The following PUF60 variants were observed in gnomAD, a reference collection of about 807,000 sequenced individuals.
PUF60 encodes poly(U)-binding-splicing factor PUF60.
Under a neutral mutation model 61.8 loss-of-function variants are expected in PUF60, and 10 were observed. That is an observed-to-expected ratio of 0.16 (90% CI 0.10 to 0.27). PUF60 has a LOEUF of 0.27. Ranked by LOEUF, PUF60 falls within the 10% of genes least tolerant of loss-of-function variation. PUF60 has a pLI of 1.00. For synonymous variants in PUF60, 353 were observed against 300.9 expected (o/e 1.17, Z -1.79); for missense variants, 371 against 754.0 (o/e 0.49, Z 5.95).
intron 3 of PUF60, 63 bp from the exon 4 acceptor site, chr8:143,821,749 A>ACCCCGC (rs1396743407): frequency 1.3e-6 from 2 of 1,542,518 alleles, no homozygotes; most frequent in Non-Finnish European, 1.7e-6. Context: ...CCTGCCCCGC[A>ACCCCGC]CCCCGCCCCT....
At chr8:143,827,875 G>C (rs1817809419) in intron 1 of PUF60, among the ~76,000 whole-genome samples, 1 of 152,134 alleles carries the variant, frequency 6.6e-6, no homozygotes, top group East Asian at 1.9e-4. Flanking sequence ...ATGAGCACAG[G>C]GCGCTGTTCT....
At chr8:143,820,956 G>A (rs1816943346) in intron 4 of PUF60, among the ~76,000 whole-genome samples, 1 of 152,182 alleles carries the variant, frequency 6.6e-6, no homozygotes, top group Non-Finnish European at 1.5e-5. Context: ...GAGGAAGGGA[G>A]GGAGGGAGGA....
At position 143,817,072 on chromosome 8, in the gene PUF60, G is replaced by A. The variant is rs746575300; in HGVS notation, c.1218C>T (p.Ser406=). The change falls in exon 11 of 12, where the codon AGC becomes AGT. Residue 406 remains serine (S), a synonymous_variant. Transcript: ENST00000526683. This position sits in a 1 kb window ranked among gnomAD's most constrained non-coding sequence, Gnocchi z 7.4. The part of the protein sequence containing the change: ...SVGVVNPILA[S]PPTLGLLEPK... ...GCTCCAGGAGACCCAGCGTTGGAGG[G>A]CTGGCCAGGATGGGGTTCACCACTC... is the stretch of plus-strand genomic sequence containing the variant. The A allele has an allele frequency of 1.2e-6, 2 of 1,611,616 alleles. No homozygotes were observed. Among genetic ancestry groups the A allele is most frequent in the Middle Eastern group, 1.7e-4 (1 of 6,058 alleles).
chr8:143,824,280 G>A (rs368921838), intron 2 of PUF60, 33 bp downstream of exon 2: 31 of 1,550,080 alleles, frequency 2.0e-5, no homozygotes, highest in African/African-American at 1.6e-4. Context: ...GCAGGCGGGC[G>A]GGCCTGAGGG....
chr8:143,828,061 C>G (rs1047578045), intron 1 of PUF60, among the ~76,000 whole-genome samples: 32 of 152,252 alleles, frequency 2.1e-4, no homozygotes, highest in Non-Finnish European at 2.9e-5. Flanking sequence ...AGGTCACTTA[C>G]TCCTGTGGCT....
At chr8:143,822,134 C>T (rs1817091525) in intron 2 of PUF60, among the ~76,000 whole-genome samples, 1 of 152,120 alleles carries the variant, frequency 6.6e-6, no homozygotes, top group African/African-American at 2.4e-5. Flanking sequence ...TGGGCCAACC[C>T]GAGCAGTTGT....
In PUF60 at chr8:143,817,977, G is replaced by A; in HGVS notation, c.702C>T (p.His234=). The A allele has an allele frequency of 6.2e-7, 1 of 1,612,940 alleles. No individual in the cohort carries two copies. The highest frequency in any genetic ancestry group is 8.5e-7 in the Non-Finnish European group (1 of 1,179,862). The change falls in exon 8 of 12, where the codon CAC becomes CAT. Residue 234 remains histidine (H), a synonymous_variant. Coordinates refer to ENST00000526683, the MANE Select transcript of PUF60 (RefSeq NM_078480.3). The surrounding 1 kb of genome is among the most constrained non-coding windows in gnomAD (Gnocchi z 7.4). ...TGATGTCATCGTCTGAGAGGTCCTG[G>A]TGCACAGAGGCCACGTAGATGCGGT... The part of the protein sequence containing the change: ...AFNRIYVASV[H]QDLSDDDIKS...
chr8:143,822,609 G>A (rs1369393961), intron 2 of PUF60: 3 of 456,252 alleles, frequency 6.6e-6, no homozygotes, highest in East Asian at 6.9e-5. Flanking sequence ...AGACCCCACT[G>A]GCACCCTAGC....
At chr8:143,827,375 G>A (rs543079439) in intron 1 of PUF60, 9 of 456,260 alleles carry the variant, frequency 2.0e-5, no homozygotes, top group African/African-American at 1.8e-4. Flanking sequence ...GATGCATCCA[G>A]AAGACCTACC....
At position 143,818,585 on chromosome 8, in the gene PUF60, A is replaced by C; in HGVS notation, c.349-51T>G. 1 of 1,511,078 alleles carries C rather than the reference A, an allele frequency of 6.6e-7. No homozygotes were observed. Among genetic ancestry groups the C allele is most frequent in the Non-Finnish European group, 8.9e-7 (1 of 1,126,538 alleles). The allele number at this position is 1,511,078 out of a possible 1,614,324, so 93.6% of individuals were successfully genotyped here. On this transcript the variant is annotated intron_variant, in intron 5 of 11. Coordinates refer to ENST00000526683, the MANE Select transcript of PUF60 (RefSeq NM_078480.3). This position sits in a 1 kb window ranked among gnomAD's most constrained non-coding sequence, Gnocchi z 7.9. ...CCGCTGGCTCGTCAGGGGCGGCAGGAAGCTGGGCAGCCCACTCCCCTCCTG... is the reference window on the plus strand; with the variant it reads ...CCGCTGGCTCGTCAGGGGCGGCAGGCAGCTGGGCAGCCCACTCCCCTCCTG...
intron 5 of PUF60, 70 bp downstream of exon 5, chr8:143,820,596 G>T: frequency 1.3e-6 from 2 of 1,501,796 alleles, no homozygotes; most frequent in Non-Finnish European, 9.3e-7. Flanking sequence ...CCCAGCACGT[G>T]GGCTGCACTG....
intron 1 of PUF60, among the ~76,000 whole-genome samples, chr8:143,825,469 G>A (rs368040618): frequency 6.6e-6 from 1 of 152,202 alleles, no homozygotes; most frequent in Non-Finnish European, 1.5e-5. Flanking sequence ...ACCCCGGAGA[G>A]AGTGAAAGGA....
At chr8:143,816,873 AC>A in intron 11 of PUF60, 36 bp downstream of exon 11, 2 of 1,475,812 alleles carry the variant, frequency 1.4e-6, no homozygotes, top group Non-Finnish European at 1.8e-6. Context: ...CCGCCCCCCT[AC>A]CCTCTCCCCC....
intron 2 of PUF60, among the ~76,000 whole-genome samples, 164 bp downstream of exon 2, chr8:143,824,149 G>A (rs915231912): frequency 5.3e-5 from 8 of 152,344 alleles, no homozygotes; most frequent in African/African-American, 1.4e-4. Context: ...GGAGAGGGCC[G>A]TGGTCCTGCG....
rs1167581033 is a variant in PUF60, at chr8:143,816,690, C to T, written c.1510G>A (p.Gly504Ser). The change falls in exon 12 of 12, where the codon GGC becomes AGC. Residue 504 changes from glycine (G) to serine (S), a missense_variant. Physicochemically the swap from Gly to Ser is moderately conservative, Grantham distance 56. This residue lies in a region of PUF60 where 38 missense variants were observed against 112.9 expected (regional missense o/e 0.34). Transcript: ENST00000526683. ...NRVIIYQEKQ[G>S]EEEDAEIIVK... ...ATGATTTCTGCATCCTCCTCCTCGC[C>T]TTGTTTCTCTTGGTAGATGATGACG... The T allele has an allele frequency of 6.2e-7, 1 of 1,613,914 alleles. No homozygotes were observed. Among genetic ancestry groups the T allele is most frequent in the East Asian group, 2.2e-5 (1 of 44,880 alleles).
chr8:143,818,418 G>C lies in PUF60; in HGVS notation c.465C>G (p.Ile155Met). ...AGTCCCAGGACATGTCGATGCTCTT[G>C]ATGGGGCCAAAGGGGGCAAAGGCCT... ...IRQAFAPFGP[I>M]KSIDMSWDSV... The change falls in exon 6 of 12, where the codon ATC becomes ATG. Residue 155 changes from isoleucine to methionine, a missense_variant. Ile to Met is a conservative substitution (Grantham distance 10). Around this residue, in one of 13 missense-constraint regions of PUF60, gnomAD observed 35 missense variants for 173.1 expected, o/e 0.20. Coordinates refer to ENST00000526683, the MANE Select transcript of PUF60 (RefSeq NM_078480.3). The surrounding 1 kb of genome is among the most constrained non-coding windows in gnomAD (Gnocchi z 7.9). 2 of 1,612,700 alleles carry C rather than the reference G, an allele frequency of 1.2e-6. No individual in the cohort carries two copies. The highest frequency in any genetic ancestry group is 1.1e-5 in the South Asian group (1 of 91,026).
intron 1 of PUF60, 89 bp downstream of exon 1, chr8:143,829,191 T>C: frequency 8.1e-7 from 1 of 1,228,650 alleles, no homozygotes; most frequent in Non-Finnish European, 1.0e-6. Flanking sequence ...GACCGCCGCG[T>C]TCTTGGGAGG....
At position 143,818,703 on chromosome 8, in the gene PUF60, A is replaced by G; in HGVS notation, c.349-169T>C. 1.4e-6 allele frequency: 1 copy of G among 702,868 alleles called. No individual in the cohort carries two copies. Among genetic ancestry groups the G allele is most frequent in the South Asian group, 2.1e-5 (1 of 47,674 alleles). The allele number at this position is 702,868 out of a possible 1,614,324, so 43.5% of individuals were successfully genotyped here. On this transcript the variant is annotated intron_variant, in intron 5 of 11. Coordinates refer to ENST00000526683, the MANE Select transcript of PUF60 (RefSeq NM_078480.3). This position sits in a 1 kb window ranked among gnomAD's most constrained non-coding sequence, Gnocchi z 7.9. The stretch of plus-strand genomic sequence containing the variant: ...GCAGTCATAGTGTGGGGGTCGCAGG[A>G]CCCCGCCACCCAAAGAAGGAAGGCC...
Position 143,817,645 on chromosome 8 carries a change from G to A in PUF60, c.955C>T (p.Pro319Ser). The change falls in exon 9 of 12, where the codon CCA (proline) becomes TCA (serine). Residue 319 changes from proline (P) to serine (S), a missense_variant. By Grantham distance (74) the Pro-to-Ser change is moderately conservative. Transcript: ENST00000526683. This position sits in a 1 kb window ranked among gnomAD's most constrained non-coding sequence, Gnocchi z 7.4. ...LLTPATPGGL[P>S]PAAAVAAAAA... is the part of the protein sequence containing the mutation. ...GCAGCTGCCACAGCAGCGGCAGGTG[G>A]GAGGCCTCCAGGCGTGGCTGGTGTG... 6.2e-7 allele frequency: 1 copy of A among 1,612,584 alleles called. No individual in the cohort carries two copies. The highest frequency in any genetic ancestry group is 8.5e-7 in the Non-Finnish European group (1 of 1,179,836).
Sources: allele counts gnomAD v4.1 joint callset (sites outside exome capture counted in the v4.1 genomes callset), GRCh38; gene constraint gnomAD v4.1.1; regional missense constraint gnomAD v4.1.1; non-coding constraint Gnocchi (gnomAD v3.1); transcripts MANE v1.5; gene names NCBI Gene and HGNC (gene_info 2026-07-23, HGNC 2026-07-21).